Variants in KCND3 observed in about 807,000 individuals in gnomAD.
KCND3 encodes the protein potassium voltage-gated channel subfamily D member 3.
In KCND3, 9 loss-of-function variants were observed where a neutral mutation model predicts 51.1. The ratio of observed to expected loss-of-function variants is 0.18; its 90% CI spans 0.11 to 0.31. The LOEUF (loss-of-function observed/expected upper bound fraction) is 0.31. KCND3 is among the 10% of genes least tolerant of loss of function. The probability of loss-of-function intolerance (pLI) is 1.00; values close to 1 mark genes in which losing one functional copy is unlikely to be tolerated. For synonymous variants in KCND3, 349 were observed against 368.0 expected (o/e 0.95, Z 0.59); for missense variants, 526 against 903.8 (o/e 0.58, Z 5.36).
At chr1:111,799,184 A>G (rs1007515402) in intron 2 of KCND3, among the ~76,000 whole-genome samples, 2 of 136,548 alleles carry the variant, frequency 1.5e-5, no homozygotes, top group Non-Finnish European at 3.1e-5. Flanking sequence ...CAGGATTCCC[A>G]TAGATTAAGA....
intron 2 of KCND3, among the ~76,000 whole-genome samples, chr1:111,933,279 T>G (rs1010784381): frequency 2.0e-5 from 3 of 152,182 alleles, no homozygotes; most frequent in Non-Finnish European, 4.4e-5. Flanking sequence ...CAGTCTCTGG[T>G]ATTTCTTCAT....
chr1:111,910,375 T>C (rs958992660), intron 2 of KCND3: 12 of 152,230 alleles, frequency 7.9e-5, no homozygotes, highest in African/African-American at 2.9e-4. Context: ...CCTGTCCCAA[T>C]ATCCAGTGCC....
intron 2 of KCND3, among the ~76,000 whole-genome samples, chr1:111,798,412 C>T (rs1571654023): frequency 1.3e-5 from 2 of 152,248 alleles, no homozygotes; most frequent in East Asian, 3.9e-4. Flanking sequence ...TGTCTTTCCA[C>T]CTTGGTTGGA....
chr1:111,933,148 C>T (rs1672058508), intron 2 of KCND3, among the ~76,000 whole-genome samples: 1 of 152,312 alleles, frequency 6.6e-6, no homozygotes, highest in Middle Eastern at 3.4e-3. Flanking sequence ...CCTATTGGCA[C>T]TCATTCTCTT....
intron 2 of KCND3, among the ~76,000 whole-genome samples, chr1:111,917,809 T>G (rs1415326009): frequency 6.6e-6 from 1 of 152,170 alleles, no homozygotes; most frequent in Non-Finnish European, 1.5e-5. Context: ...CCACTGCACC[T>G]TCCACTACAC....
intron 2 of KCND3, among the ~76,000 whole-genome samples, chr1:111,800,002 G>A (rs1199013238): frequency 6.6e-6 from 1 of 151,864 alleles, no homozygotes; most frequent in Non-Finnish European, 1.5e-5. Context: ...TGGGAAGTGA[G>A]GAGCCCCTCT....
intron 2 of KCND3, among the ~76,000 whole-genome samples, chr1:111,864,086 G>T (rs919045884): frequency 1.3e-5 from 2 of 152,018 alleles, no homozygotes; most frequent in Non-Finnish European, 2.9e-5. Flanking sequence ...TTTACATAAT[G>T]ATCACAATTT....
chr1:111,842,910 A>G (rs2101645446), intron 2 of KCND3, among the ~76,000 whole-genome samples: 1 of 152,324 alleles, frequency 6.6e-6, no homozygotes, highest in East Asian at 1.9e-4. Context: ...TGAGACAGAG[A>G]ACAAGAGTAT....
In KCND3 at chr1:111,776,296, G is replaced by T; in HGVS notation, c.1767-18C>A. ...TGGAGCGACTGGGATAGAAAAGAGT[G>T]AGTTGATGATGGTTCCTGCTGGCCA... On this transcript the variant is annotated intron_variant, in intron 7 of 7. Coordinates refer to ENST00000302127, the MANE Select transcript of KCND3 (RefSeq NM_001378969.1). The T allele has an allele frequency of 6.2e-7, 1 of 1,611,200 alleles. No individual in the cohort carries two copies. Among genetic ancestry groups the T allele is most frequent in the South Asian group, 1.1e-5 (1 of 90,698 alleles).
intron 2 of KCND3, among the ~76,000 whole-genome samples, chr1:111,859,690 T>C (rs1668248172): frequency 6.6e-6 from 1 of 152,222 alleles, no homozygotes; most frequent in African/African-American, 2.4e-5. Flanking sequence ...TCAGTGGAAA[T>C]GGAGAGATGG....
At chr1:111,953,024 T>C (rs1345042117) in intron 2 of KCND3, among the ~76,000 whole-genome samples, 2 of 152,064 alleles carry the variant, frequency 1.3e-5, no homozygotes, top group African/African-American at 2.4e-5. Context: ...CCTCACAAAA[T>C]CAGATGAGGT....
chr1:111,782,059 C>A (rs1043727574), intron 3 of KCND3, among the ~76,000 whole-genome samples: 1 of 152,286 alleles, frequency 6.6e-6, no homozygotes, highest in East Asian at 1.9e-4. Context: ...GAAGGTCCCT[C>A]CTCCTGGCTC....
At chr1:111,854,937 C>T (rs1172102040) in intron 2 of KCND3, among the ~76,000 whole-genome samples, 2 of 152,160 alleles carry the variant, frequency 1.3e-5, no homozygotes, top group African/African-American at 4.8e-5. Context: ...CCTGGAGAAT[C>T]TCACTCACAT....
intron 2 of KCND3, among the ~76,000 whole-genome samples, chr1:111,845,169 G>C (rs1667489388): frequency 6.6e-6 from 1 of 152,188 alleles, no homozygotes; most frequent in Admixed American, 6.5e-5. Flanking sequence ...GAAGAGCAAA[G>C]TTTTTGGCAG....
chr1:111,974,330 T>C (rs913611959), intron 2 of KCND3, among the ~76,000 whole-genome samples: 18 of 152,026 alleles, frequency 1.2e-4, no homozygotes, highest in Non-Finnish European at 1.9e-4. Context: ...TGTGCACTTC[T>C]TCCAAATAAA....
chr1:111,893,983 G>A (rs1214684237), intron 2 of KCND3, among the ~76,000 whole-genome samples: 3 of 152,076 alleles, frequency 2.0e-5, no homozygotes, highest in African/African-American at 4.8e-5. Context: ...GGGGCTCTCC[G>A]GTCCCCTCTG....
At chr1:111,824,058 G>C (rs1018682776) in intron 2 of KCND3, among the ~76,000 whole-genome samples, 2 of 149,292 alleles carry the variant, frequency 1.3e-5, no homozygotes, top group African/African-American at 4.9e-5. Flanking sequence ...GGAAAATGCA[G>C]AGGCAAACTA....
chr1:111,951,157 C>CAAAAAAAAA (rs71081206), intron 2 of KCND3, among the ~76,000 whole-genome samples: 3 of 30,610 alleles, frequency 9.8e-5, no homozygotes, highest in Non-Finnish European at 2.4e-4. Flanking sequence ...CAAACAAGAG[C>CAAAAAAAAA]AAAAAAAAAA....
In KCND3 at chr1:111,982,101, G is replaced by A. The variant is rs771878661; in HGVS notation, c.626C>T (p.Thr209Met). Reference protein sequence around the residue: ...TNVVETVPCGTVPGSKELPCG... With the variant: ...TNVVETVPCGMVPGSKELPCG... ...CGGCAGCTCCTTGCTGCCCGGGACC[G>A]TGCCGCACGGCACCGTCTCCACCAC... is the stretch of plus-strand genomic sequence containing the variant. The change falls in exon 2 of 8, where the codon ACG becomes ATG. Residue 209 changes from threonine to methionine, a missense_variant. Thr to Met is a moderately conservative substitution (Grantham distance 81). Coordinates refer to ENST00000302127, the MANE Select transcript of KCND3 (RefSeq NM_001378969.1). This position sits in a 1 kb window ranked among gnomAD's most constrained non-coding sequence, Gnocchi z 8.5. 9.3e-6 allele frequency: 15 copies of A among 1,613,610 alleles called. No individual in the cohort carries two copies. The Admixed American group carries it at 2.0e-4, about 22-fold the overall frequency.
Sources: allele counts gnomAD v4.1 joint callset (sites outside exome capture counted in the v4.1 genomes callset), GRCh38; gene constraint gnomAD v4.1.1; non-coding constraint Gnocchi (gnomAD v3.1); transcripts MANE v1.5; gene names NCBI Gene and HGNC (gene_info 2026-07-23, HGNC 2026-07-21).